The following PLEKHA7 variants were observed in gnomAD, a reference collection of about 807,000 sequenced individuals.
PLEKHA7 encodes pleckstrin homology domain-containing family A member 7.
In PLEKHA7, 104 loss-of-function variants were observed where a neutral mutation model predicts 170.0. The observed-to-expected ratio is 0.61, with a 90% CI of 0.52 to 0.72. The LOEUF is 0.72. Ranked by LOEUF, PLEKHA7 falls within the 30% of genes least tolerant of loss-of-function variation. The probability of loss-of-function intolerance (pLI) is 0.00; values close to 1 mark genes in which losing one functional copy is unlikely to be tolerated. For missense variants in PLEKHA7, 1,615 were observed against 1,671.7 expected (o/e 0.97, Z 0.59); for synonymous variants, 648 against 660.8 (o/e 0.98, Z 0.30).
At chr11:16,848,336 C>G (rs1852633969) in intron 8 of PLEKHA7, among the ~76,000 whole-genome samples, 2 of 152,208 alleles carry the variant, frequency 1.3e-5, no homozygotes, top group African/African-American at 4.8e-5. Context: ...AGTTTTCAAA[C>G]AGAACTACAT....
Position 17,007,866 on chromosome 11 carries a change from C to T in PLEKHA7, c.221+6123G>A, listed in dbSNP as rs12288625. Among the ~76,000 whole-genome samples, 929 of 152,124 alleles carry T rather than the reference C, an allele frequency of 6.1e-3. 9 individuals carry two copies. Among genetic ancestry groups the T allele is most frequent in the African/African-American group, 0.022 (897 of 41,482 alleles). ...TGGGATTACTGGGTGTGAACCACCACGCCCGGCCTAAAGATATTCAGTTGG... is the reference window on the plus strand; with the variant it reads ...TGGGATTACTGGGTGTGAACCACCATGCCCGGCCTAAAGATATTCAGTTGG... On this transcript the variant is annotated intron_variant, in intron 3 of 26. Transcript: ENST00000531066.
In PLEKHA7 at chr11:16,851,072, G is replaced by A. The variant is rs946933759; in HGVS notation, c.696+119C>T. 2.8e-5 allele frequency: 18 copies of A among 638,296 alleles called. No individual in the cohort carries two copies. The Middle Eastern group carries it at 7.8e-4, about 28-fold the overall frequency. 39.5% of individuals were successfully genotyped at this position (638,296 alleles called of 1,614,324 possible). On this transcript the variant is annotated intron_variant, in intron 8 of 26. Coordinates refer to ENST00000531066, the MANE Select transcript of PLEKHA7 (RefSeq NM_001329630.2). Reference sequence around the variant, plus strand: ...TAAATAACTTACAACTTTGTTAACCGGAATCTGAAACTCTCTAGCTTCTTC... The same window carrying A: ...TAAATAACTTACAACTTTGTTAACCAGAATCTGAAACTCTCTAGCTTCTTC...
At chr11:16,807,078 G>T in intron 13 of PLEKHA7, 1 of 784,752 alleles carries the variant, frequency 1.3e-6, no homozygotes, top group Non-Finnish European at 1.5e-6. Context: ...AGCAAGTGAT[G>T]AAGTCGGCAC....
intron 4 of PLEKHA7, among the ~76,000 whole-genome samples, chr11:16,870,641 CAAA>C (rs11321089): frequency 0.12 from 13,756 of 110,674 alleles, 813 homozygotes; most frequent in Non-Finnish European, 0.16. Context: ...GACCCTGCCT[CAAA>C]AAAAAAAAAA....
intron 3 of PLEKHA7, among the ~76,000 whole-genome samples, chr11:16,985,750 A>G (rs1415751917): frequency 6.6e-6 from 1 of 152,226 alleles, no homozygotes; most frequent in Non-Finnish European, 1.5e-5. Flanking sequence ...TGAGGGAGAG[A>G]CAGAGAGACA....
intron 3 of PLEKHA7, among the ~76,000 whole-genome samples, chr11:16,883,037 T>C (rs1855827454): frequency 6.6e-6 from 1 of 152,152 alleles, no homozygotes; most frequent in Non-Finnish European, 1.5e-5. Context: ...AGGGCCGTTC[T>C]AAGATCATAT....
intron 3 of PLEKHA7, among the ~76,000 whole-genome samples, chr11:16,898,286 T>C (rs1405483528): frequency 6.6e-6 from 1 of 152,164 alleles, no homozygotes; most frequent in African/African-American, 2.4e-5. Context: ...CTGACTATGA[T>C]TGAGAACAGG....
intron 3 of PLEKHA7, among the ~76,000 whole-genome samples, chr11:16,938,803 A>AAAC (rs1401882649): frequency 1.3e-5 from 2 of 152,342 alleles, no homozygotes; most frequent in South Asian, 2.1e-4. Context: ...TTCTTGTAAA[A>AAAC]AACAACAACA....
chr11:17,011,980 G>C (rs1865346814), intron 3 of PLEKHA7, among the ~76,000 whole-genome samples: 1 of 151,992 alleles, frequency 6.6e-6, no homozygotes, highest in Admixed American at 6.6e-5. Context: ...AGTCCATCAT[G>C]AAGGTGTGAA....
At chr11:16,920,667 T>C (rs1859019448) in intron 3 of PLEKHA7, among the ~76,000 whole-genome samples, 2 of 152,198 alleles carry the variant, frequency 1.3e-5, no homozygotes, top group Non-Finnish European at 2.9e-5. Flanking sequence ...GTCTCTGCCA[T>C]TACATATCTG....
intron 3 of PLEKHA7, among the ~76,000 whole-genome samples, chr11:16,884,038 A>G (rs1183448035): frequency 1.2e-5 from 1 of 80,182 alleles, no homozygotes; most frequent in East Asian, 1.1e-3. Context: ...ATAAAATTGT[A>G]CATATCATTC....
chr11:16,889,564 T>G (rs1345366570), intron 3 of PLEKHA7, among the ~76,000 whole-genome samples: 1 of 151,020 alleles, frequency 6.6e-6, no homozygotes, highest in East Asian at 1.9e-4. Flanking sequence ...ATCACGTCAC[T>G]GCACTCCAGC....
Position 17,002,411 on chromosome 11 carries a change from A to T in PLEKHA7, c.221+11578T>A, listed in dbSNP as rs552029337. ...AGAACAAAACCTCAACACTTAAAGAAAAAAAAAAAAGGAACAGAAAGAGTG... is the reference window on the plus strand; with the variant it reads ...AGAACAAAACCTCAACACTTAAAGATAAAAAAAAAAGGAACAGAAAGAGTG... On this transcript the variant is annotated intron_variant, in intron 3 of 26. Coordinates refer to ENST00000531066, the MANE Select transcript of PLEKHA7 (RefSeq NM_001329630.2). 2.5e-3 allele frequency among the ~76,000 whole-genome samples: 380 copies of T among 149,460 alleles called. 2 individuals carry two copies. Among genetic ancestry groups the T allele is most frequent in the African/African-American group, 9.0e-3 (366 of 40,632 alleles).
Position 16,841,727 on chromosome 11 carries a change from A to G in PLEKHA7, c.697-5T>C, listed in dbSNP as rs774711190. On this transcript the variant is annotated splice_region_variant and splice_polypyrimidine_tract_variant and intron_variant, in intron 8 of 26. Transcript: ENST00000531066. ...TCGCATCCCCGTGTGCACAGCCTGT[A>G]GCATGAAGGCAGAATGCAGGTCAGA... 6 of 1,613,230 alleles carry G rather than the reference A, an allele frequency of 3.7e-6. No individual in the cohort carries two copies. Among genetic ancestry groups the G allele is most frequent in the Non-Finnish European group, 5.1e-6 (6 of 1,179,554 alleles).
chr11:16,940,905 C>T (rs1860654369), intron 3 of PLEKHA7, among the ~76,000 whole-genome samples: 1 of 152,120 alleles, frequency 6.6e-6, no homozygotes, highest in East Asian at 1.9e-4. Flanking sequence ...GCTCTGAAGT[C>T]ATTTCTATCT....
intron 23 of PLEKHA7, chr11:16,787,794 G>C (rs1316995014): frequency 6.6e-6 from 1 of 152,144 alleles, no homozygotes; most frequent in South Asian, 2.1e-4. Context: ...AATTATAAAA[G>C]GTCAGTGTTA....
chr11:16,889,420 A>AAAAAAATATATAT (rs61086849), intron 3 of PLEKHA7, among the ~76,000 whole-genome samples: 13 of 74,670 alleles, frequency 1.7e-4, no homozygotes, highest in African/African-American at 5.0e-4. Context: ...AAAAAAAAAA[A>AAAAAAATATATAT]ATATATATAT....
Position 16,791,283 on chromosome 11 carries a change from A to C in PLEKHA7, c.2746-84T>G. On this transcript the variant is annotated intron_variant, in intron 19 of 26. Coordinates refer to ENST00000531066, the MANE Select transcript of PLEKHA7 (RefSeq NM_001329630.2). The surrounding 1 kb of genome is among the most constrained non-coding windows in gnomAD (Gnocchi z 4.5). ...TAGGTACTGCCACAGTGGAGGTTTA[A>C]AGGGTAGGAACAGGCCACATCAGAG... is the stretch of plus-strand genomic sequence containing the variant. 2.2e-6 allele frequency: 3 copies of C among 1,336,320 alleles called. No homozygotes were observed. The highest frequency in any genetic ancestry group is 3.0e-6 in the Non-Finnish European group (3 of 984,024). 82.8% of individuals were successfully genotyped at this position (1,336,320 alleles called of 1,614,324 possible). A position where few individuals can be genotyped will look rare whatever the true frequency, so the allele number is the denominator to read the frequency against.
At chr11:16,917,195 G>A (rs1483887216) in intron 3 of PLEKHA7, among the ~76,000 whole-genome samples, 2 of 151,964 alleles carry the variant, frequency 1.3e-5, no homozygotes, top group Non-Finnish European at 2.9e-5. Flanking sequence ...CTCCAGCCTG[G>A]GTGACACAGC....
Sources: allele counts gnomAD v4.1 joint callset (sites outside exome capture counted in the v4.1 genomes callset), GRCh38; gene constraint gnomAD v4.1.1; non-coding constraint Gnocchi (gnomAD v3.1); transcripts MANE v1.5; gene names NCBI Gene and HGNC (gene_info 2026-07-23, HGNC 2026-07-21).